VKORC1L1: variants seen among roughly 807,000 people sequenced by gnomAD.
VKORC1L1 encodes vitamin K epoxide reductase complex subunit 1-like protein 1.
VKORC1L1 carries 2 observed loss-of-function variants against 18.9 expected under a neutral mutation model. The observed-to-expected ratio is 0.11, with a 90% CI of 0.04 to 0.33. The LOEUF (loss-of-function observed/expected upper bound fraction) is 0.33, where lower values mean the gene tolerates loss of function less well. VKORC1L1 is among the 10% of genes least tolerant of loss of function. VKORC1L1 has a pLI of 1.00. For synonymous variants in VKORC1L1, 96 were observed against 100.0 expected, an observed-to-expected ratio of 0.96 and a Z score of 0.24; for missense variants, 123 against 224.1, an observed-to-expected ratio of 0.55 and a Z score of 2.88.
intron 1 of VKORC1L1, among the ~76,000 whole-genome samples, chr7:65,926,142 AATTATTATTATT>A (rs58145133): frequency 1.4e-5 from 2 of 146,706 alleles, no homozygotes; most frequent in Non-Finnish European, 3.0e-5. Context: ...AATTTTAATG[AATTATTATTATT>A]ATTATTATTA....
In VKORC1L1 at chr7:65,955,656, T is replaced by G. The variant is rs1790284325; in HGVS notation, c.*1356T>G. 6.6e-6 allele frequency: 1 copy of G among 152,234 alleles called. No homozygotes were observed. The highest frequency in any genetic ancestry group is 2.4e-5 in the African/African-American group (1 of 41,466). The allele number at this position is 152,234 out of a possible 1,614,324, so 9.4% of individuals were successfully genotyped here. On this transcript the variant is annotated 3_prime_UTR_variant, in exon 3 of 3. Coordinates refer to ENST00000360768, the MANE Select transcript of VKORC1L1 (RefSeq NM_173517.6). The stretch of plus-strand genomic sequence containing the variant: ...CTTAAATCTCAAACCAAATATTTTG[T>G]GTGTTGACCTTGGGCAGAAGAAGTG...
chr7:65,893,516 CT>C (rs1309464664), intron 1 of VKORC1L1, among the ~76,000 whole-genome samples: 1 of 152,090 alleles, frequency 6.6e-6, no homozygotes, highest in Non-Finnish European at 1.5e-5. Context: ...GCACTCCAGC[CT>C]GGGTGACAGA....
intron 1 of VKORC1L1, among the ~76,000 whole-genome samples, chr7:65,899,857 A>G (rs896781803): frequency 1.2e-4 from 19 of 152,064 alleles, no homozygotes; most frequent in African/African-American, 4.1e-4. Context: ...AAAATTAGCC[A>G]GGCGTGGTGG....
intron 1 of VKORC1L1, among the ~76,000 whole-genome samples, chr7:65,914,914 G>C (rs1465953879): frequency 1.3e-5 from 2 of 152,070 alleles, no homozygotes; most frequent in African/African-American, 2.4e-5. Context: ...GCTGAGGTGA[G>C]AAACTCACTT....
intron 1 of VKORC1L1, among the ~76,000 whole-genome samples, chr7:65,876,828 T>C (rs1788834970): frequency 6.6e-6 from 1 of 152,176 alleles, no homozygotes. Flanking sequence ...GGCAGACCTC[T>C]TGAGCTCAGG....
chr7:65,867,257 G>A, the VKORC1L1 span, among the ~76,000 whole-genome samples: 2 of 152,020 alleles, frequency 1.3e-5, no homozygotes, highest in South Asian at 4.2e-4. Flanking sequence ...TCTCTGAGCA[G>A]CCATGAAGAG....
At chr7:65,912,971 G>A (rs1017289343) in intron 1 of VKORC1L1, among the ~76,000 whole-genome samples, 1 of 152,138 alleles carries the variant, frequency 6.6e-6, no homozygotes, top group African/African-American at 2.4e-5. Context: ...CCCACTCTGA[G>A]TAGCACTGTG....
intron 1 of VKORC1L1, among the ~76,000 whole-genome samples, chr7:65,923,949 A>G (rs1789718676): frequency 6.6e-6 from 1 of 152,150 alleles, no homozygotes; most frequent in South Asian, 2.1e-4. Flanking sequence ...GGTAGAAGGG[A>G]TGCTTCGAAG....
At chr7:65,937,648 A>T (rs1789965321) in intron 1 of VKORC1L1, among the ~76,000 whole-genome samples, 2 of 152,140 alleles carry the variant, frequency 1.3e-5, no homozygotes, top group South Asian at 4.1e-4. Flanking sequence ...CCTGGGTTCA[A>T]GCAATCCCTC....
At chr7:65,905,558 C>T (rs1375602360) in intron 1 of VKORC1L1, among the ~76,000 whole-genome samples, 1 of 152,134 alleles carries the variant, frequency 6.6e-6, no homozygotes, top group Non-Finnish European at 1.5e-5. Flanking sequence ...ATCCACCCTC[C>T]TCGGCCTCCC....
intron 1 of VKORC1L1, among the ~76,000 whole-genome samples, chr7:65,901,772 G>A (rs936811315): frequency 6.6e-6 from 1 of 152,078 alleles, no homozygotes; most frequent in Non-Finnish European, 1.5e-5. Context: ...CCTGAAATCT[G>A]GTTGAGTCCT....
At chr7:65,903,630 G>C (rs1789355722) in intron 1 of VKORC1L1, among the ~76,000 whole-genome samples, 1 of 152,204 alleles carries the variant, frequency 6.6e-6, no homozygotes, top group South Asian at 2.1e-4. Flanking sequence ...AAATCAGCCA[G>C]GCATGGTGGC....
chr7:65,890,710 C>T (rs1460787877), intron 1 of VKORC1L1, among the ~76,000 whole-genome samples: 1 of 152,204 alleles, frequency 6.6e-6, no homozygotes, highest in Non-Finnish European at 1.5e-5. Flanking sequence ...TAGATTCCTA[C>T]CAACAATGTG....
upstream of VKORC1L1, among the ~76,000 whole-genome samples, chr7:65,872,974 A>G (rs1006634252): frequency 8.2e-5 from 1 of 12,266 alleles, no homozygotes; most frequent in Non-Finnish European, 1.8e-4. Context: ...GCCCCTCCCC[A>G]CCCCTGCCCC....
intron 1 of VKORC1L1, among the ~76,000 whole-genome samples, chr7:65,932,147 G>A (rs981223829): frequency 4.6e-5 from 7 of 151,990 alleles, no homozygotes; most frequent in Admixed American, 4.6e-4. Flanking sequence ...GCCCAGGCTG[G>A]AGTGCAGTGG....
intron 1 of VKORC1L1, among the ~76,000 whole-genome samples, chr7:65,906,026 C>T (rs1789400378): frequency 6.6e-6 from 1 of 151,998 alleles, no homozygotes; most frequent in Non-Finnish European, 1.5e-5. Flanking sequence ...TCATTCACTT[C>T]TTTGGTTACT....
At chr7:65,887,438 C>T (rs1425859848) in intron 1 of VKORC1L1, among the ~76,000 whole-genome samples, 1 of 151,832 alleles carries the variant, frequency 6.6e-6, no homozygotes, top group Non-Finnish European at 1.5e-5. Flanking sequence ...CACACTGGCA[C>T]AGTGAGTGGA....
chr7:65,882,729 A>G (rs942951907), intron 1 of VKORC1L1, among the ~76,000 whole-genome samples: 2 of 152,244 alleles, frequency 1.3e-5, no homozygotes, highest in African/African-American at 4.8e-5. Context: ...ATTCAGTACT[A>G]TTAGAACTGT....
At chr7:65,916,564 T>C (rs893440365) in intron 1 of VKORC1L1, among the ~76,000 whole-genome samples, 2 of 152,154 alleles carry the variant, frequency 1.3e-5, no homozygotes, top group Admixed American at 6.5e-5. Context: ...CTAGATCTTA[T>C]TGCTATAGAT....
Sources: allele counts gnomAD v4.1 joint callset (sites outside exome capture counted in the v4.1 genomes callset), GRCh38; gene constraint gnomAD v4.1.1; transcripts MANE v1.5; gene names NCBI Gene and HGNC (gene_info 2026-07-23, HGNC 2026-07-21).